The following CHST9 variants were observed in gnomAD, a reference collection of about 807,000 sequenced individuals.
The protein encoded by CHST9 is carbohydrate sulfotransferase 9.
In CHST9, 41 loss-of-function variants were observed where a neutral mutation model predicts 44.4. The ratio of observed to expected loss-of-function variants is 0.92; its 90% CI spans 0.72 to 1.20. The LOEUF (loss-of-function observed/expected upper bound fraction) is 1.20, where lower values mean the gene tolerates loss of function less well. Among genes scored for constraint, CHST9 ranks in the 50% most tolerant of loss-of-function variants. The probability of loss-of-function intolerance (pLI) is 0.00; values close to 1 mark genes in which losing one functional copy is unlikely to be tolerated. For synonymous variants in CHST9, 171 were observed against 178.4 expected, an observed-to-expected ratio of 0.96 and a Z score of 0.33; for missense variants, 504 against 516.5, an observed-to-expected ratio of 0.98 and a Z score of 0.23.
At chr18:27,158,133 T>C (rs1335235060) in intron 1 of CHST9, among the ~76,000 whole-genome samples, 1 of 152,168 alleles carries the variant, frequency 6.6e-6, no homozygotes, top group African/African-American at 2.4e-5. Flanking sequence ...CTTTAAGTTT[T>C]AGGGTACATA....
chr18:26,918,672 T>G (rs965389371), intron 5 of CHST9, among the ~76,000 whole-genome samples: 1 of 152,100 alleles, frequency 6.6e-6, no homozygotes, highest in African/African-American at 2.4e-5. Flanking sequence ...CAAGGATAAT[T>G]AGTAATTTTC....
At chr18:27,156,752 T>G (rs1428948140) in intron 1 of CHST9, among the ~76,000 whole-genome samples, 1 of 152,104 alleles carries the variant, frequency 6.6e-6, no homozygotes, top group Non-Finnish European at 1.5e-5. Flanking sequence ...TTAGCCACAA[T>G]GTAAAACAGA....
chr18:26,984,420 A>T (rs1400045567), intron 4 of CHST9, among the ~76,000 whole-genome samples: 4 of 152,220 alleles, frequency 2.6e-5, no homozygotes, highest in Middle Eastern at 3.2e-3. Flanking sequence ...CTTTTAGAAG[A>T]AAACATAGGG....
chr18:26,967,356 C>T (rs181495461), intron 4 of CHST9, among the ~76,000 whole-genome samples: 7 of 152,236 alleles, frequency 4.6e-5, no homozygotes, highest in Admixed American at 6.5e-5. Flanking sequence ...GCTTTTTACA[C>T]GTGTAGTAGG....
intron 3 of CHST9, among the ~76,000 whole-genome samples, chr18:27,030,117 A>C (rs2057325122): frequency 6.6e-6 from 1 of 152,220 alleles, no homozygotes. Flanking sequence ...CTTCAAGAAG[A>C]AAATTTGAAA....
chr18:26,946,402 G>A (rs539091017), intron 4 of CHST9, among the ~76,000 whole-genome samples: 1 of 152,168 alleles, frequency 6.6e-6, no homozygotes, highest in South Asian at 2.1e-4. Flanking sequence ...ATAGAAAGGA[G>A]GCCAGCATGG....
chr18:27,122,250 A>G (rs1375566850), intron 2 of CHST9, among the ~76,000 whole-genome samples: 1 of 152,250 alleles, frequency 6.6e-6, no homozygotes, highest in African/African-American at 2.4e-5. Context: ...CTGCCCAGAT[A>G]TAATTCTGGA....
At chr18:27,131,858 A>G (rs1373380845) in intron 2 of CHST9, among the ~76,000 whole-genome samples, 1 of 152,238 alleles carries the variant, frequency 6.6e-6, no homozygotes, top group Non-Finnish European at 1.5e-5. Context: ...CAAATTTTAC[A>G]CAGAGTCTTA....
chr18:26,918,720 G>A (rs947151825), intron 5 of CHST9, among the ~76,000 whole-genome samples: 6 of 152,126 alleles, frequency 3.9e-5, no homozygotes, highest in East Asian at 3.9e-4. Flanking sequence ...ATGAAGCACC[G>A]TTCATGGAGC....
In CHST9 at chr18:26,914,147, C is replaced by T. The variant is rs948200819; in HGVS notation, c.*2112G>A. On this transcript the variant is annotated 3_prime_UTR_variant, in exon 6 of 6. Coordinates refer to ENST00000618847, the MANE Select transcript of CHST9 (RefSeq NM_031422.6). ...TCATTTTCTTCCACTCATCCCTCCT[C>T]TCCACCATCAAAGCCAAACATTTAT... 1.3e-5 allele frequency: 2 copies of T among 152,218 alleles called. No homozygotes were observed. The highest frequency in any genetic ancestry group is 4.8e-5 in the African/African-American group (2 of 41,452). The allele number at this position is 152,218 out of a possible 1,614,324, so 9.4% of individuals were successfully genotyped here.
At chr18:26,977,126 A>G (rs1191088088) in intron 4 of CHST9, among the ~76,000 whole-genome samples, 1 of 152,108 alleles carries the variant, frequency 6.6e-6, no homozygotes. Context: ...ATGGTCTTAG[A>G]TTTCTAAGAA....
At chr18:27,062,857 C>T (rs1020723808) in intron 2 of CHST9, among the ~76,000 whole-genome samples, 20 of 152,216 alleles carry the variant, frequency 1.3e-4, no homozygotes, top group African/African-American at 4.8e-4. Context: ...GCCATTCTAA[C>T]TGGTGTGAGT....
At chr18:27,110,761 G>A (rs1034799476) in intron 2 of CHST9, among the ~76,000 whole-genome samples, 2 of 152,176 alleles carry the variant, frequency 1.3e-5, no homozygotes, top group African/African-American at 2.4e-5. Context: ...TGGACAGCTA[G>A]AGCATTGCTG....
At chr18:26,946,002 G>A (rs547434501) in intron 4 of CHST9, among the ~76,000 whole-genome samples, 5 of 152,288 alleles carry the variant, frequency 3.3e-5, no homozygotes, top group African/African-American at 1.2e-4. Context: ...GAATGGTGAT[G>A]TTCAGAGTGG....
chr18:27,139,951 T>C (rs979077448), intron 2 of CHST9, among the ~76,000 whole-genome samples: 3 of 152,202 alleles, frequency 2.0e-5, no homozygotes, highest in African/African-American at 7.2e-5. Flanking sequence ...ACTGCATTTA[T>C]AATTATATGC....
intron 1 of CHST9, among the ~76,000 whole-genome samples, chr18:27,158,120 A>G (rs1165416247): frequency 1.3e-5 from 2 of 152,162 alleles, no homozygotes; most frequent in African/African-American, 2.4e-5. Flanking sequence ...TTTTTTAATT[A>G]TACTTTAAGT....
chr18:26,919,700 A>G (rs2055610546), intron 5 of CHST9, among the ~76,000 whole-genome samples: 2 of 152,002 alleles, frequency 1.3e-5, no homozygotes, highest in Admixed American at 1.3e-4. Flanking sequence ...ACAATCAGAA[A>G]TAAAAACAAA....
At chr18:26,975,668 T>TATATATATAA (rs1238904313) in intron 4 of CHST9, among the ~76,000 whole-genome samples, 1 of 142,994 alleles carries the variant, frequency 7.0e-6, no homozygotes, top group Non-Finnish European at 1.5e-5. Context: ...TATATATATA[T>TATATATATAA]AAATATATGT....
In CHST9 at chr18:26,909,175, T is replaced by C. The variant is rs2055407719; in HGVS notation, c.*7084A>G. Reference sequence around the variant, plus strand: ...CGCCAAGTTTCTGCTTCAGTGCTGGTCAAAATCCCACAGAGGACTTTGGTA... The same window carrying C: ...CGCCAAGTTTCTGCTTCAGTGCTGGCCAAAATCCCACAGAGGACTTTGGTA... On this transcript the variant is annotated 3_prime_UTR_variant, in exon 6 of 6. Coordinates refer to ENST00000618847, the MANE Select transcript of CHST9 (RefSeq NM_031422.6). 1 of 152,220 alleles carries C rather than the reference T, an allele frequency of 6.6e-6. No homozygotes were observed. The highest frequency in any genetic ancestry group is 1.5e-5 in the Non-Finnish European group (1 of 68,048). The allele number at this position is 152,220 out of a possible 1,614,324, so 9.4% of individuals were successfully genotyped here. A position where few individuals can be genotyped will look rare whatever the true frequency, so the allele number is the denominator to read the frequency against.
Sources: allele counts gnomAD v4.1 joint callset (sites outside exome capture counted in the v4.1 genomes callset), GRCh38; gene constraint gnomAD v4.1.1; transcripts MANE v1.5; gene names NCBI Gene and HGNC (gene_info 2026-07-23, HGNC 2026-07-21).